KLHL1: variants seen among roughly 807,000 people sequenced by gnomAD.
The protein encoded by KLHL1 is kelch-like protein 1.
KLHL1 carries 47 observed loss-of-function variants against 77.7 expected under a neutral mutation model. That is an observed-to-expected ratio of 0.60 (90% CI 0.48 to 0.77). The LOEUF is 0.77. KLHL1 is among the 30% of genes least tolerant of loss of function. The pLI, the probability that KLHL1 is intolerant of heterozygous loss-of-function variation, is 0.00. For synonymous variants in KLHL1, 360 were observed against 325.2 expected (o/e 1.11, Z -1.15); for missense variants, 925 against 910.8 (o/e 1.02, Z -0.20).
intron 1 of KLHL1, among the ~76,000 whole-genome samples, chr13:70,044,950 A>G (rs181164233): frequency 1.3e-5 from 2 of 152,174 alleles, no homozygotes; most frequent in Admixed American, 1.3e-4. Flanking sequence ...TAACCTTGGG[A>G]AAGTCATTTA....
rs116107236 is a variant in KLHL1, at chr13:69,762,722, G to T, written c.1640-22166C>A. 2.7e-5 allele frequency among the ~76,000 whole-genome samples: 4 copies of T among 149,632 alleles called. No individual in the cohort carries two copies. In the East Asian group the frequency reaches 7.8e-4, roughly 29 times the overall value. Reference sequence around the variant, plus strand: ...ATTGACAGCTTTCCCAAGATCATAAGTTAAGATTTCTCTGCCATCATGAGA... The same window carrying T: ...ATTGACAGCTTTCCCAAGATCATAATTTAAGATTTCTCTGCCATCATGAGA... On this transcript the variant is annotated intron_variant, in intron 7 of 10. Coordinates refer to ENST00000377844, the MANE Select transcript of KLHL1 (RefSeq NM_020866.3).
intron 8 of KLHL1, among the ~76,000 whole-genome samples, chr13:69,737,631 A>T (rs1278981387): frequency 1.3e-5 from 2 of 152,204 alleles, no homozygotes; most frequent in Non-Finnish European, 2.9e-5. Context: ...GTTCGTGGCC[A>T]GACTGCTTCT....
At chr13:70,084,831 TC>T in intron 1 of KLHL1, among the ~76,000 whole-genome samples, 1 of 151,894 alleles carries the variant, frequency 6.6e-6, no homozygotes, top group Non-Finnish European at 1.5e-5. Context: ...CTAAAGAATA[TC>T]AAAAATATTT....
intron 10 of KLHL1, among the ~76,000 whole-genome samples, chr13:69,704,096 T>C (rs1455121857): frequency 6.6e-6 from 1 of 151,678 alleles, no homozygotes; most frequent in Non-Finnish European, 1.5e-5. Flanking sequence ...ATAGAGTGAG[T>C]AGCTTAACTT....
intron 4 of KLHL1, among the ~76,000 whole-genome samples, chr13:69,901,484 G>T (rs1173617669): frequency 6.6e-6 from 1 of 152,158 alleles, no homozygotes; most frequent in East Asian, 1.9e-4. Flanking sequence ...ATATGCTTGG[G>T]TGACAATGAT....
chr13:69,784,625 G>A (rs866936417), intron 7 of KLHL1, among the ~76,000 whole-genome samples: 1,712 of 151,372 alleles, frequency 0.011, 32 homozygotes, highest in African/African-American at 0.039. Flanking sequence ...AATTCAACAA[G>A]AAGAGCTAAC....
At chr13:69,890,695 G>T (rs925373780) in intron 4 of KLHL1, among the ~76,000 whole-genome samples, 2 of 151,490 alleles carry the variant, frequency 1.3e-5, no homozygotes, top group African/African-American at 4.8e-5. Context: ...TAAAGGCTAA[G>T]AACTACCATT....
At chr13:69,936,585 T>C (rs1305321091) in intron 4 of KLHL1, among the ~76,000 whole-genome samples, 4 of 111,198 alleles carry the variant, frequency 3.6e-5, no homozygotes, top group Non-Finnish European at 5.3e-5. Context: ...AGAACGAGAC[T>C]CCATCTCAAA....
chr13:69,865,190 G>T (rs1416502515), intron 5 of KLHL1, among the ~76,000 whole-genome samples: 2 of 152,080 alleles, frequency 1.3e-5, no homozygotes, highest in African/African-American at 4.8e-5. Context: ...TCTTGTCTCA[G>T]CCTCTCCAAG....
At chr13:69,952,776 T>C (rs1264853894) in intron 3 of KLHL1, among the ~76,000 whole-genome samples, 1 of 151,282 alleles carries the variant, frequency 6.6e-6, no homozygotes, top group Non-Finnish European at 1.5e-5. Context: ...TTCCCAAGCA[T>C]AATGGGAAAA....
chr13:69,787,574 C>T (rs1876624846), intron 7 of KLHL1, among the ~76,000 whole-genome samples: 3 of 152,296 alleles, frequency 2.0e-5, no homozygotes, highest in Admixed American at 6.5e-5. Context: ...GAAACCTAGG[C>T]AGTACCATTC....
intron 4 of KLHL1, among the ~76,000 whole-genome samples, chr13:69,906,051 T>A (rs1488227784): frequency 2.0e-5 from 3 of 152,026 alleles, no homozygotes; most frequent in Non-Finnish European, 4.4e-5. Flanking sequence ...CGTAAAGAAT[T>A]TTGATTAGCT....
At position 69,701,447 on chromosome 13, in the gene KLHL1, T is replaced by G; in HGVS notation, c.*255A>C. ...TGGTAACTCTAGTTATTGTATGCTATAATACAAAACAAATTACCAATAACC... is the reference window on the plus strand; with the variant it reads ...TGGTAACTCTAGTTATTGTATGCTAGAATACAAAACAAATTACCAATAACC... On this transcript the variant is annotated 3_prime_UTR_variant, in exon 11 of 11. Transcript: ENST00000377844. 2.6e-6 allele frequency: 1 copy of G among 386,930 alleles called. No individual in the cohort carries two copies. The highest frequency in any genetic ancestry group is 4.7e-6 in the Non-Finnish European group (1 of 214,692). 24.0% of individuals were successfully genotyped at this position (386,930 alleles called of 1,614,324 possible). A position where few individuals can be genotyped will look rare whatever the true frequency, so the allele number is the denominator to read the frequency against.
intron 4 of KLHL1, among the ~76,000 whole-genome samples, chr13:69,899,267 C>T (rs1320616831): frequency 6.6e-6 from 1 of 152,118 alleles, no homozygotes; most frequent in East Asian, 1.9e-4. Flanking sequence ...GGTGGTTGTG[C>T]AAGCTTCCCT....
chr13:70,104,103 A>C (rs1887989859), intron 1 of KLHL1, among the ~76,000 whole-genome samples: 1 of 152,174 alleles, frequency 6.6e-6, no homozygotes, highest in Non-Finnish European at 1.5e-5. Context: ...AGTTTACTAC[A>C]TATGGAATCT....
intron 8 of KLHL1, among the ~76,000 whole-genome samples, chr13:69,722,222 T>A (rs9542046): frequency 2.6e-5 from 4 of 151,796 alleles, no homozygotes; most frequent in African/African-American, 7.3e-5. Flanking sequence ...AACATTACTC[T>A]GATAAATTAT....
intron 7 of KLHL1, among the ~76,000 whole-genome samples, chr13:69,775,363 TTAATA>T (rs1162250542): frequency 6.6e-6 from 1 of 152,162 alleles, no homozygotes; most frequent in African/African-American, 2.4e-5. Flanking sequence ...CAAGCATCTA[TTAATA>T]TAATAATATT....
At chr13:69,918,386 C>A (rs998511806) in intron 4 of KLHL1, among the ~76,000 whole-genome samples, 5 of 151,872 alleles carry the variant, frequency 3.3e-5, no homozygotes, top group Admixed American at 6.6e-5. Context: ...TATTTTCTCC[C>A]AAAATAGTAC....
At chr13:69,836,946 A>G (rs1019714481) in intron 6 of KLHL1, among the ~76,000 whole-genome samples, 5 of 151,950 alleles carry the variant, frequency 3.3e-5, no homozygotes, top group African/African-American at 4.8e-5. Flanking sequence ...AAATACAAAA[A>G]TTTCAATTTC....
Sources: gnomAD v4.1 joint callset for allele counts (sites outside exome capture counted in the v4.1 genomes callset) on GRCh38, gnomAD v4.1.1 for gene constraint, MANE v1.5 for transcripts, NCBI Gene and HGNC (gene_info 2026-07-23, HGNC 2026-07-21) for gene names.